The following CNOT6L variants were observed in gnomAD, a reference collection of about 807,000 sequenced individuals.
CNOT6L encodes CCR4-NOT transcription complex subunit 6-like.
A neutral mutation model predicts 64.0 loss-of-function variants in CNOT6L; 7 were observed. The ratio of observed to expected loss-of-function variants is 0.11; its 90% CI spans 0.06 to 0.21. The LOEUF is 0.21. CNOT6L is among the 10% of genes least tolerant of loss of function. The pLI is 1.00. For synonymous variants in CNOT6L, 193 were observed against 243.4 expected, an observed-to-expected ratio of 0.79 and a Z score of 1.93; for missense variants, 245 against 669.0, an observed-to-expected ratio of 0.37 and a Z score of 6.99.
intron 4 of CNOT6L, among the ~76,000 whole-genome samples, chr4:77,759,264 T>C (rs984207840): frequency 7.3e-5 from 11 of 151,396 alleles, no homozygotes; most frequent in Non-Finnish European, 1.3e-4. Context: ...AACAGAAGAC[T>C]TTAAAACGAG....
chr4:77,726,501 C>G (rs1721864796), intron 10 of CNOT6L, 132 bp from the exon 11 acceptor site: 2 of 586,072 alleles, frequency 3.4e-6, no homozygotes, highest in Middle Eastern at 2.7e-4. Flanking sequence ...ATAAAACTGC[C>G]TTTTGTTGTT....
At chr4:77,819,435 A>C, upstream of CNOT6L, 3 of 1,579,972 alleles carry the variant, frequency 1.9e-6, no homozygotes, top group Non-Finnish European at 2.6e-6. Flanking sequence ...GCGGCCGCAG[A>C]CGCAGACGCA....
At chr4:77,755,211 A>G (rs890683412) in intron 5 of CNOT6L, among the ~76,000 whole-genome samples, 1 of 141,182 alleles carries the variant, frequency 7.1e-6, no homozygotes, top group Non-Finnish European at 1.5e-5. Context: ...GGCTACATCT[A>G]TAGAGACAAG....
chr4:77,789,973 A>C (rs1041322350), intron 1 of CNOT6L, among the ~76,000 whole-genome samples: 37 of 101,236 alleles, frequency 3.7e-4, no homozygotes, highest in Non-Finnish European at 7.3e-4. Context: ...AAAAAAAAAA[A>C]AAAAAAATTC....
intron 8 of CNOT6L, among the ~76,000 whole-genome samples, chr4:77,738,813 T>C (rs1327258474): frequency 6.7e-6 from 1 of 150,126 alleles, no homozygotes. Context: ...TATATACATA[T>C]AAGAAACATA....
chr4:77,809,175 A>G (rs1446897206), intron 1 of CNOT6L, among the ~76,000 whole-genome samples: 1 of 152,078 alleles, frequency 6.6e-6, no homozygotes, highest in East Asian at 1.9e-4. Flanking sequence ...AAAGTGGAGG[A>G]CCCAAGGCTC....
At chr4:77,729,185 C>T in intron 9 of CNOT6L, 104 bp from the exon 10 acceptor site, 3 of 780,396 alleles carry the variant, frequency 3.8e-6, no homozygotes, top group Non-Finnish European at 6.4e-6. Context: ...CTTCTTTACT[C>T]TTTTCCATGA....
At chr4:77,812,837 T>C (rs1733111040) in intron 1 of CNOT6L, among the ~76,000 whole-genome samples, 1 of 152,040 alleles carries the variant, frequency 6.6e-6, no homozygotes, top group South Asian at 2.1e-4. Flanking sequence ...AAAATTGATA[T>C]GGAAACACAA....
chr4:77,819,028 T>A, intron 1 of CNOT6L: 2 of 610,448 alleles, frequency 3.3e-6, no homozygotes, highest in East Asian at 6.1e-5. Context: ...CACTCTGGGG[T>A]CCCGGCCCCG....
Position 77,748,364 on chromosome 4 carries a change from G to A in CNOT6L, c.511C>T (p.Pro171Ser). ...NLAVHPEQLPPRPWITLKERD... is the reference protein window; with the variant it reads ...NLAVHPEQLPSRPWITLKERD... ...TCTTTTAATGTAATCCATGGCCTCGGAGGAAGCTGCTCTGGATGAACTGAA... is the reference window on the plus strand; with the variant it reads ...TCTTTTAATGTAATCCATGGCCTCGAAGGAAGCTGCTCTGGATGAACTGAA... Residue 171 changes from proline (P) to serine (S), a missense_variant, in exon 6 of 12, where the codon CCG becomes TCG. Transcript: ENST00000504123. 6.2e-7 allele frequency: 1 copy of A among 1,612,584 alleles called. No individual in the cohort carries two copies. The highest frequency in any genetic ancestry group is 8.5e-7 in the Non-Finnish European group (1 of 1,179,010).
chr4:77,788,742 AAAT>A (rs969729820), intron 1 of CNOT6L, among the ~76,000 whole-genome samples: 207 of 152,028 alleles, frequency 1.4e-3, no homozygotes, highest in Middle Eastern at 6.8e-3. Context: ...AAGTAATAAT[AAAT>A]AATAATAATA....
intron 1 of CNOT6L, among the ~76,000 whole-genome samples, chr4:77,815,906 A>AAC (rs1167599142): frequency 1.3e-5 from 2 of 152,226 alleles, no homozygotes; most frequent in Admixed American, 6.5e-5. Flanking sequence ...AAAGCAAGTA[A>AAC]ACATCTGCAC....
chr4:77,733,308 A>G (rs1344455899), intron 8 of CNOT6L, among the ~76,000 whole-genome samples: 1 of 152,094 alleles, frequency 6.6e-6, no homozygotes, highest in Non-Finnish European at 1.5e-5. Context: ...ATCCTGATTC[A>G]CACAGCTATA....
chr4:77,768,472 T>A (rs1224307430), intron 4 of CNOT6L, among the ~76,000 whole-genome samples: 16 of 2,860 alleles, frequency 5.6e-3, no homozygotes, highest in Admixed American at 0.015. Context: ...CTAAAATAAA[T>A]AAATATATAT....
At chr4:77,769,602 C>T (rs1158389092) in intron 4 of CNOT6L, among the ~76,000 whole-genome samples, 1 of 151,960 alleles carries the variant, frequency 6.6e-6, no homozygotes, top group Non-Finnish European at 1.5e-5. Flanking sequence ...ATTTTGCCTC[C>T]TATATAAATG....
At chr4:77,818,398 G>A (rs1305821172) in intron 1 of CNOT6L, among the ~76,000 whole-genome samples, 1 of 152,000 alleles carries the variant, frequency 6.6e-6, no homozygotes, top group African/African-American at 2.4e-5. Context: ...GGCCAGGAAA[G>A]CCAGTTTCCC....
rs570904643 is a variant in CNOT6L, at chr4:77,812,112, A to G, written c.5+7192T>C. Among the ~76,000 whole-genome samples, 169 of 152,278 alleles carry G rather than the reference A, an allele frequency of 1.1e-3. 2 individuals carry two copies. Among genetic ancestry groups the G allele is most frequent in the African/African-American group, 3.9e-3 (160 of 41,552 alleles). On this transcript the variant is annotated intron_variant, in intron 1 of 11. Transcript: ENST00000504123. ...ACTTCATTTGTTTGCAGGTGACATG[A>G]TATTTGTATGTAGAAAATCTTATGG...
At chr4:77,807,279 A>AG (rs1189698014) in intron 1 of CNOT6L, among the ~76,000 whole-genome samples, 1 of 150,974 alleles carries the variant, frequency 6.6e-6, no homozygotes, top group Non-Finnish European at 1.5e-5. Flanking sequence ...TCCATCTCAA[A>AG]AAAAAAAAAA....
chr4:77,718,929 C>T lies in CNOT6L; in HGVS notation c.*1502G>A, dbSNP rs894343038. ...TATAGGCTATTGTCTTTTAAAATTT[C>T]ATTCACATAATGGAAAATTTCTTGT... On this transcript the variant is annotated 3_prime_UTR_variant, in exon 12 of 12. Coordinates refer to ENST00000504123, the MANE Select transcript of CNOT6L (RefSeq NM_144571.3). 11 of 152,452 alleles carry T rather than the reference C, an allele frequency of 7.2e-5. No individual in the cohort carries two copies. Among genetic ancestry groups the T allele is most frequent in the Non-Finnish European group, 1.3e-4 (9 of 67,988 alleles). 9.4% of individuals were successfully genotyped at this position (152,452 alleles called of 1,614,324 possible).
Sources: allele counts gnomAD v4.1 joint callset (sites outside exome capture counted in the v4.1 genomes callset), GRCh38; gene constraint gnomAD v4.1.1; transcripts MANE v1.5; gene names NCBI Gene and HGNC (gene_info 2026-07-23, HGNC 2026-07-21).